Variants in USP32 observed in about 807,000 individuals in gnomAD.
The protein encoded by USP32 is ubiquitin carboxyl-terminal hydrolase 32.
Under a neutral mutation model 204.8 loss-of-function variants are expected in USP32, and 59 were observed. The ratio of observed to expected loss-of-function variants is 0.29; its 90% CI spans 0.23 to 0.36. USP32 has a LOEUF of 0.36. Among genes scored for constraint, USP32 ranks in the 10% least tolerant of loss-of-function variants. The pLI, the probability that USP32 is intolerant of heterozygous loss-of-function variation, is 1.00. For synonymous variants in USP32, 517 were observed against 678.4 expected, an observed-to-expected ratio of 0.76 and a Z score of 3.70; for missense variants, 1,160 against 1,946.4, an observed-to-expected ratio of 0.60 and a Z score of 7.60.
chr17:60,298,462 AATC>A (rs1167026324), intron 3 of USP32, among the ~76,000 whole-genome samples: 2 of 152,166 alleles, frequency 1.3e-5, no homozygotes, highest in Non-Finnish European at 2.9e-5. Context: ...ATATATTTTA[AATC>A]ATCATTAGGT....
chr17:60,350,319 C>T (rs1175666145), intron 1 of USP32, among the ~76,000 whole-genome samples: 1 of 152,126 alleles, frequency 6.6e-6, no homozygotes, highest in Non-Finnish European at 1.5e-5. Context: ...GACTGAGTCT[C>T]GCTCTGTAGC....
At chr17:60,255,451 C>G (rs1424360733) in intron 9 of USP32, among the ~76,000 whole-genome samples, 193 bp from the exon 10 acceptor site, 1 of 152,054 alleles carries the variant, frequency 6.6e-6, no homozygotes, top group Admixed American at 6.6e-5. Context: ...GTGCCCGCCA[C>G]CATGCCTGGC....
intron 3 of USP32, among the ~76,000 whole-genome samples, chr17:60,295,450 C>T (rs184791542): frequency 6.6e-6 from 1 of 152,282 alleles, no homozygotes; most frequent in Admixed American, 6.5e-5. Context: ...TTTCAGTCAC[C>T]TGTGGTTAAC....
At chr17:60,249,880 A>G (rs2086124018) in intron 11 of USP32, 4 of 496,694 alleles carry the variant, frequency 8.1e-6, no homozygotes, top group Admixed American at 7.0e-5. Context: ...TACTGACTGT[A>G]AGTTAGAGAC....
At chr17:60,259,580 C>T (rs2086402896) in intron 9 of USP32, among the ~76,000 whole-genome samples, 1 of 152,024 alleles carries the variant, frequency 6.6e-6, no homozygotes, top group Non-Finnish European at 1.5e-5. Context: ...TACAAATTAC[C>T]ATAAAATAAC....
In USP32 at chr17:60,384,409, C is replaced by T. The variant is rs2089694726; in HGVS notation, c.58+7473G>A. 1.3e-5 allele frequency among the ~76,000 whole-genome samples: 2 copies of T among 152,162 alleles called. 1 individual carries two copies. Among genetic ancestry groups the T allele is most frequent in the Non-Finnish European group, 2.9e-5 (2 of 68,032 alleles). ...CTTTAGCATAGTTTTGCTTTTAATGCGGTCCAGTGTCTAGTACCCCAACAA... is the reference window on the plus strand; with the variant it reads ...CTTTAGCATAGTTTTGCTTTTAATGTGGTCCAGTGTCTAGTACCCCAACAA... On this transcript the variant is annotated intron_variant, in intron 1 of 33. Coordinates refer to ENST00000300896, the MANE Select transcript of USP32 (RefSeq NM_032582.4).
At chr17:60,293,115 C>A (rs943995784) in intron 4 of USP32, among the ~76,000 whole-genome samples, 1 of 152,108 alleles carries the variant, frequency 6.6e-6, no homozygotes, top group African/African-American at 2.4e-5. Context: ...TATAAAATAA[C>A]AAGATTCAGA....
intron 5 of USP32, among the ~76,000 whole-genome samples, chr17:60,276,970 A>T: frequency 7.2e-6 from 1 of 138,278 alleles, no homozygotes; most frequent in African/African-American, 3.4e-5. Context: ...TATATATAAA[A>T]TTACCAAACA....
intron 1 of USP32, among the ~76,000 whole-genome samples, chr17:60,382,976 G>A (rs1157432530): frequency 3.9e-5 from 6 of 151,996 alleles, no homozygotes; most frequent in Admixed American, 2.6e-4. Context: ...GGCCGGGCGC[G>A]GTGGTTCACT....
At chr17:60,385,970 T>C (rs2089724442) in intron 1 of USP32, among the ~76,000 whole-genome samples, 1 of 152,020 alleles carries the variant, frequency 6.6e-6, no homozygotes, top group Admixed American at 6.6e-5. Flanking sequence ...AGATACATCT[T>C]AGGATACATC....
At chr17:60,183,480 T>G in intron 30 of USP32, 27 bp from the exon 31 acceptor site, 2 of 1,559,736 alleles carry the variant, frequency 1.3e-6, no homozygotes, top group Non-Finnish European at 1.7e-6. Context: ...AGAAAACATC[T>G]GCATTAAAGG....
chr17:60,372,680 T>TAA (rs994631226), intron 1 of USP32, among the ~76,000 whole-genome samples: 1 of 134,930 alleles, frequency 7.4e-6, no homozygotes, highest in South Asian at 2.4e-4. Flanking sequence ...TTCTCTACAT[T>TAA]AAAAAAAAAA....
chr17:60,317,408 C>T lies in USP32; in HGVS notation c.187-15704G>A, dbSNP rs934165563. On this transcript the variant is annotated intron_variant, in intron 2 of 33. Coordinates refer to ENST00000300896, the MANE Select transcript of USP32 (RefSeq NM_032582.4). ...ATGCATGCCTGTAGTACCAGCGACT[C>T]GGGAGGCTGAGCTGGGAGGATTACT... Among the ~76,000 whole-genome samples the T allele has an allele frequency of 2.7e-5, 4 of 149,960 alleles. No individual in the cohort carries two copies. In the Admixed American group the frequency reaches 2.7e-4, roughly 10 times the overall value.
In USP32 at chr17:60,294,752, T is replaced by C. The variant is rs539514233; in HGVS notation, c.342A>G (p.Glu114=). 376 of 1,613,160 alleles carry C rather than the reference T, an allele frequency of 2.3e-4. 8 individuals carry two copies. In the South Asian group the frequency reaches 3.9e-3, roughly 17 times the overall value. ...CCACGTGGAGCATTCTTTCCATTTC[T>C]TCCCGTATAACATAGTTCCCAGATT... ...SSESGNYVIR[E]EMERMLHVVD... Residue 114 remains glutamate (E), a synonymous_variant, in exon 4 of 34, where the codon GAA becomes GAG. Coordinates refer to ENST00000300896, the MANE Select transcript of USP32 (RefSeq NM_032582.4).
chr17:60,256,801 G>T (rs775748034), intron 9 of USP32: 57 of 1,151,778 alleles, frequency 4.9e-5, no homozygotes, highest in Non-Finnish European at 6.3e-5. Flanking sequence ...GAGAGGGTTT[G>T]AATTCATACT....
intron 1 of USP32, among the ~76,000 whole-genome samples, chr17:60,377,002 T>A (rs1598300164): frequency 6.6e-6 from 1 of 152,320 alleles, no homozygotes; most frequent in African/African-American, 2.4e-5. Flanking sequence ...ATTGTCATAA[T>A]AAACTTTTGA....
intron 9 of USP32, among the ~76,000 whole-genome samples, chr17:60,260,249 G>T (rs1050328656): frequency 2.1e-4 from 32 of 152,120 alleles, no homozygotes; most frequent in African/African-American, 7.7e-4. Context: ...GGCTGGGTGC[G>T]GTGGCTCATG....
rs181430246 is a variant in USP32 at position 60,346,337 on chromosome 17, T to A, written c.59-729A>T. ...CAAAGAAGTAACAAATATTTCAAAT[T>A]AGCAGGTAAGCTAAATGCCACTGGA... On this transcript the variant is annotated intron_variant, in intron 1 of 33. Transcript: ENST00000300896. Among the ~76,000 whole-genome samples, 228 of 152,302 alleles carry A rather than the reference T, an allele frequency of 1.5e-3. 2 individuals are homozygous for A. Among genetic ancestry groups the A allele is most frequent in the South Asian group, 0.015 (71 of 4,822 alleles).
chr17:60,307,179 A>C (rs1320877986), intron 2 of USP32, among the ~76,000 whole-genome samples: 1 of 151,190 alleles, frequency 6.6e-6, no homozygotes, highest in East Asian at 2.0e-4. Context: ...GGCTCTCTGC[A>C]AACTCAACCT....
Sources: allele counts gnomAD v4.1 joint callset (sites outside exome capture counted in the v4.1 genomes callset), GRCh38; gene constraint gnomAD v4.1.1; transcripts MANE v1.5; gene names NCBI Gene and HGNC (gene_info 2026-07-23, HGNC 2026-07-21).